AGBL4: variants seen among roughly 807,000 people sequenced by gnomAD.
AGBL4 encodes AGBL carboxypeptidase 4.
In AGBL4, 58 loss-of-function variants were observed where a neutral mutation model predicts 66.4. The observed-to-expected ratio is 0.87, with a 90% CI of 0.71 to 1.09. The LOEUF is 1.09. Among genes scored for constraint, AGBL4 ranks in the 50% least tolerant of loss-of-function variants. The probability of loss-of-function intolerance (pLI) is 0.00; values close to 1 mark genes in which losing one functional copy is unlikely to be tolerated. For missense variants in AGBL4, 579 were observed against 631.0 expected (o/e 0.92, Z 0.88); for synonymous variants, 234 against 222.9 (o/e 1.05, Z -0.44).
Position 49,989,018 on chromosome 1 carries a change from C to G in AGBL4, c.34+34745G>C, listed in dbSNP as rs967613061. ...ACACAATTAACCCTAGAAACAAACC[C>G]GTATTTGTGCATCTGTCATAAGAGA... On this transcript the variant is annotated intron_variant, in intron 1 of 13. Transcript: ENST00000371839. Among the ~76,000 whole-genome samples, 7 of 152,194 alleles carry G rather than the reference C, an allele frequency of 4.6e-5. No homozygotes were observed. In the South Asian group the frequency reaches 1.4e-3, roughly 32 times the overall value.
Position 49,045,701 on chromosome 1 carries a change from A to G in AGBL4, c.477T>C (p.Asp159=). The G allele has an allele frequency of 6.4e-7, 1 of 1,557,644 alleles. No individual in the cohort carries two copies. The highest frequency in any genetic ancestry group is 8.7e-7 in the Non-Finnish European group (1 of 1,149,712). The change falls in exon 5 of 14, where the codon GAT becomes GAC. Residue 159 remains aspartate, a synonymous_variant. Transcript: ENST00000371839. ...GGTAGCAGTAAGCAAACTGGTAAAT[A>G]TCTTCTTCTCGGTCAAAACAAAAGG... The part of the protein sequence containing the change: ...SFAFCFDREE[D]IYQFAYCYPY...
At chr1:48,940,641 T>C (rs1655885678) in intron 5 of AGBL4, among the ~76,000 whole-genome samples, 2 of 152,174 alleles carry the variant, frequency 1.3e-5, no homozygotes, top group African/African-American at 4.8e-5. Context: ...TGTCTAGGTT[T>C]GGTGGCACCA....
Position 50,012,135 on chromosome 1 carries a change from C to T in AGBL4, c.34+11628G>A, listed in dbSNP as rs533300842. Among the ~76,000 whole-genome samples the T allele has an allele frequency of 6.9e-5, 10 of 144,888 alleles. No individual in the cohort carries two copies. The South Asian group carries it at 8.7e-4, about 13-fold the overall frequency. Reference sequence around the variant, plus strand: ...GATTGCGCCACTGCAGTCCGCAATCCGGCCTGGGCGACAGAGCGAGACTCC... The same window carrying T: ...GATTGCGCCACTGCAGTCCGCAATCTGGCCTGGGCGACAGAGCGAGACTCC... On this transcript the variant is annotated intron_variant, in intron 1 of 13. Transcript: ENST00000371839.
intron 11 of AGBL4, among the ~76,000 whole-genome samples, chr1:48,564,790 C>G (rs796704789): frequency 2.6e-5 from 4 of 152,314 alleles, no homozygotes; most frequent in African/African-American, 9.6e-5. Flanking sequence ...CACCAGACAA[C>G]AAAACATTTT....
chr1:49,500,260 T>G (rs1648017032), intron 3 of AGBL4, among the ~76,000 whole-genome samples: 1 of 152,076 alleles, frequency 6.6e-6, no homozygotes, highest in Non-Finnish European at 1.5e-5. Context: ...GAGTTCCTTG[T>G]AGATTCTGGA....
At chr1:48,975,254 C>T (rs1343453367) in intron 5 of AGBL4, among the ~76,000 whole-genome samples, 1 of 152,142 alleles carries the variant, frequency 6.6e-6, no homozygotes, top group Non-Finnish European at 1.5e-5. Flanking sequence ...AGGAAACATG[C>T]ACCATATTTG....
intron 8 of AGBL4, among the ~76,000 whole-genome samples, chr1:48,640,164 G>C (rs957860740): frequency 1.3e-5 from 2 of 152,208 alleles, no homozygotes; most frequent in African/African-American, 4.8e-5. Flanking sequence ...CAGTGGGAAA[G>C]AATCTTTCAC....
At chr1:49,236,073 A>C (rs975711667) in intron 4 of AGBL4, among the ~76,000 whole-genome samples, 1 of 152,040 alleles carries the variant, frequency 6.6e-6, no homozygotes, top group African/African-American at 2.4e-5. Flanking sequence ...TCTGTCACCC[A>C]GGCTGGAGTG....
At chr1:49,234,904 C>T (rs1378612291) in intron 4 of AGBL4, among the ~76,000 whole-genome samples, 1 of 152,090 alleles carries the variant, frequency 6.6e-6, no homozygotes, top group African/African-American at 2.4e-5. Context: ...GCTGTAAGAC[C>T]GTTTTCTGAG....
intron 3 of AGBL4, among the ~76,000 whole-genome samples, chr1:49,402,211 T>C (rs1376548221): frequency 1.3e-5 from 2 of 152,198 alleles, no homozygotes; most frequent in African/African-American, 4.8e-5. Flanking sequence ...CCTTTTCTTT[T>C]AATAATGTTG....
chr1:48,558,315 G>C (rs1011738386), intron 11 of AGBL4, among the ~76,000 whole-genome samples: 1 of 152,222 alleles, frequency 6.6e-6, no homozygotes, highest in Non-Finnish European at 1.5e-5. Context: ...ATCAGAGCAA[G>C]AGGGCACCAA....
chr1:48,977,821 C>T (rs1055667186), intron 5 of AGBL4, among the ~76,000 whole-genome samples: 3 of 152,006 alleles, frequency 2.0e-5, no homozygotes, highest in Admixed American at 1.3e-4. Flanking sequence ...GGATTATCTG[C>T]GAAGCTTTTT....
chr1:48,987,122 C>A (rs1047677984), intron 5 of AGBL4, among the ~76,000 whole-genome samples: 1 of 151,494 alleles, frequency 6.6e-6, no homozygotes, highest in African/African-American at 2.4e-5. Flanking sequence ...AAGAATACTC[C>A]AAAATATCCC....
intron 2 of AGBL4, among the ~76,000 whole-genome samples, chr1:49,814,273 G>A (rs1370109788): frequency 6.6e-6 from 1 of 152,126 alleles, no homozygotes; most frequent in Non-Finnish European, 1.5e-5. Context: ...TATCATGTAG[G>A]AGTATTCCAG....
At chr1:49,226,197 A>T (rs1426470752) in intron 4 of AGBL4, among the ~76,000 whole-genome samples, 1 of 152,208 alleles carries the variant, frequency 6.6e-6, no homozygotes, top group African/African-American at 2.4e-5. Context: ...CAATTCATTC[A>T]CATTTCCAGC....
At chr1:49,321,970 C>A (rs1645140279) in intron 3 of AGBL4, among the ~76,000 whole-genome samples, 1 of 152,152 alleles carries the variant, frequency 6.6e-6, no homozygotes, top group South Asian at 2.1e-4. Flanking sequence ...TGGTGTACTA[C>A]AAAAATGGTG....
chr1:49,382,480 A>G (rs1644640872), intron 3 of AGBL4, among the ~76,000 whole-genome samples: 1 of 152,160 alleles, frequency 6.6e-6, no homozygotes, highest in African/African-American at 2.4e-5. Flanking sequence ...GATGAAAAAA[A>G]AAGTCAACAA....
chr1:48,668,964 A>G (rs570493033), intron 6 of AGBL4, among the ~76,000 whole-genome samples: 17 of 152,338 alleles, frequency 1.1e-4, no homozygotes, highest in African/African-American at 3.6e-4. Flanking sequence ...AATTCCAGAC[A>G]TTCAGGGTTA....
chr1:49,630,839 A>T (rs1239414062), intron 3 of AGBL4, among the ~76,000 whole-genome samples: 1 of 152,166 alleles, frequency 6.6e-6, no homozygotes, highest in South Asian at 2.1e-4. Context: ...GTAGTCAAAG[A>T]GTTGGACTCA....
Sources: gnomAD v4.1 joint callset for allele counts (sites outside exome capture counted in the v4.1 genomes callset) on GRCh38, gnomAD v4.1.1 for gene constraint, MANE v1.5 for transcripts, NCBI Gene and HGNC (gene_info 2026-07-23, HGNC 2026-07-21) for gene names.